The following PTGER3 variants were observed in gnomAD, a reference collection of about 807,000 sequenced individuals.
PTGER3 encodes prostaglandin E2 receptor EP3 subtype.
In PTGER3, 22 loss-of-function variants were observed where a neutral mutation model predicts 34.7. The observed-to-expected ratio is 0.63, with a 90% confidence interval of 0.45 to 0.91. The LOEUF is 0.91. Among genes scored for constraint, PTGER3 ranks in the 40% least tolerant of loss-of-function variants. The pLI is 0.00. For missense variants in PTGER3, 468 were observed against 519.4 expected, an observed-to-expected ratio of 0.90 and a Z score of 0.96; for synonymous variants, 241 against 230.1, an observed-to-expected ratio of 1.05 and a Z score of -0.43.
At chr1:70,944,872 C>A (rs1186181168) in intron 4 of PTGER3, among the ~76,000 whole-genome samples, 2 of 152,022 alleles carry the variant, frequency 1.3e-5, no homozygotes, top group Non-Finnish European at 2.9e-5. Flanking sequence ...TCCTTGTCAC[C>A]AGAGCCAATC....
chr1:71,025,312 T>C (rs1331979631), intron 1 of PTGER3, among the ~76,000 whole-genome samples: 1 of 151,934 alleles, frequency 6.6e-6, no homozygotes, highest in African/African-American at 2.4e-5. Context: ...TGACAGCCAG[T>C]AGTAACCCTG....
chr1:70,953,030 T>C, exon 4 of PTGER3: 1 of 1,607,194 alleles, frequency 6.2e-7, no homozygotes, highest in Non-Finnish European at 8.5e-7. Context: ...TTGCCCTCTG[T>C]ATCTGAGAGT....
At chr1:71,024,645 C>CTTT (rs35271200) in intron 1 of PTGER3, among the ~76,000 whole-genome samples, 82 of 117,064 alleles carry the variant, frequency 7.0e-4, no homozygotes, top group East Asian at 1.1e-3. Flanking sequence ...CCTTTTCTTT[C>CTTT]TTTTTTTTTT....
chr1:71,041,272 G>A (rs2100994253), intron 1 of PTGER3, among the ~76,000 whole-genome samples: 1 of 152,292 alleles, frequency 6.6e-6, no homozygotes, highest in Non-Finnish European at 1.5e-5. Flanking sequence ...CCTACAGGTG[G>A]GCAAAATCAT....
At chr1:70,873,682 C>T (rs1331906146) in intron 4 of PTGER3, among the ~76,000 whole-genome samples, 3 of 150,406 alleles carry the variant, frequency 2.0e-5, no homozygotes, top group African/African-American at 7.3e-5. Context: ...GAGTCTTGCC[C>T]TGTCACCCAG....
At position 71,001,389 on chromosome 1, in the gene PTGER3, T is replaced by C. The variant is rs115758109; in HGVS notation, c.1077+10916A>G. Among the ~76,000 whole-genome samples, 1,099 of 152,188 alleles carry C rather than the reference T, an allele frequency of 7.2e-3. 13 individuals carry two copies. Among genetic ancestry groups the C allele is most frequent in the Non-Finnish European group, 8.5e-3 (576 of 68,006 alleles). On this transcript the variant is annotated intron_variant, in intron 2 of 3. Transcript: ENST00000306666. ...AGGATTTAGCAGTTAGGATGAAGAG[T>C]AAAGCAAAAGGAGGCAGAAAATCTT...
intron 4 of PTGER3, among the ~76,000 whole-genome samples, chr1:70,929,600 A>T (rs910463521): frequency 6.6e-6 from 1 of 152,190 alleles, no homozygotes; most frequent in Non-Finnish European, 1.5e-5. Context: ...TATATTCATG[A>T]ACTGGAAAAC....
intron 1 of PTGER3, among the ~76,000 whole-genome samples, chr1:71,021,523 A>G (rs1302190109): frequency 6.7e-6 from 1 of 149,670 alleles, no homozygotes. Flanking sequence ...AGTTATCTTT[A>G]CTATATTTCA....
At chr1:70,954,333 G>T (rs1310797379) in intron 2 of PTGER3, among the ~76,000 whole-genome samples, 1 of 152,098 alleles carries the variant, frequency 6.6e-6, no homozygotes, top group East Asian at 1.9e-4. Flanking sequence ...CTTTATAAAA[G>T]ACTTTTATGA....
At chr1:70,890,798 A>G (rs1646600427) in intron 4 of PTGER3, among the ~76,000 whole-genome samples, 1 of 152,198 alleles carries the variant, frequency 6.6e-6, no homozygotes, top group South Asian at 2.1e-4. Flanking sequence ...ACAAAGTCCA[A>G]ACTCCTAAGG....
rs553531466 is a variant in PTGER3, at chr1:71,006,897, G to A, written c.1077+5408C>T. The A allele has an allele frequency of 1.4e-5, 14 of 985,284 alleles. No homozygotes were observed. In the African/African-American group the frequency reaches 1.9e-4, roughly 14 times the overall value. The allele number at this position is 985,284 out of a possible 1,614,324, so 61.0% of individuals were successfully genotyped here. On this transcript the variant is annotated intron_variant, in intron 2 of 3. Transcript: ENST00000306666. ...AACTTTATTTTCCATTGACAAACAC[G>A]ACATAAATAACACACATTTATTAAA...
chr1:70,952,422 G>A (rs749176486), downstream of PTGER3: 37 of 985,102 alleles, frequency 3.8e-5, no homozygotes, highest in Non-Finnish European at 3.7e-5. Flanking sequence ...GAAGTTTTTT[G>A]CCAGTCTAAT....
chr1:70,922,705 G>C (rs928641627), intron 4 of PTGER3, among the ~76,000 whole-genome samples: 2 of 152,072 alleles, frequency 1.3e-5, no homozygotes, highest in African/African-American at 4.8e-5. Context: ...CTATACACAA[G>C]GGATGTAAAG....
intron 1 of PTGER3, 133 bp downstream of exon 1, chr1:71,046,548 G>A: frequency 8.9e-7 from 1 of 1,126,702 alleles, no homozygotes; most frequent in Non-Finnish European, 1.2e-6. Flanking sequence ...AGACCGCGCG[G>A]GCAGGAGGAA....
intron 1 of PTGER3, among the ~76,000 whole-genome samples, chr1:71,034,006 C>A (rs955134435): frequency 1.1e-4 from 17 of 151,914 alleles, no homozygotes; most frequent in Non-Finnish European, 2.5e-4. Context: ...ATTAAAAAAA[C>A]CTTTAAAAAT....
At chr1:70,879,872 A>T (rs939648388) in intron 4 of PTGER3, among the ~76,000 whole-genome samples, 9 of 152,084 alleles carry the variant, frequency 5.9e-5, no homozygotes, top group Non-Finnish European at 1.3e-4. Context: ...GAGTGGGTGG[A>T]TCATGAGGTC....
chr1:70,904,425 A>C (rs1294092248), intron 4 of PTGER3, among the ~76,000 whole-genome samples: 2 of 152,214 alleles, frequency 1.3e-5, no homozygotes, highest in African/African-American at 4.8e-5. Flanking sequence ...AGAAGACAGA[A>C]AATGTGGAAT....
At chr1:71,004,997 C>A (rs1656818339) in intron 2 of PTGER3, among the ~76,000 whole-genome samples, 1 of 152,344 alleles carries the variant, frequency 6.6e-6, no homozygotes, top group East Asian at 1.9e-4. Flanking sequence ...GGCCCTGGCC[C>A]TTGCTTTTAA....
At chr1:70,929,561 C>T (rs906494160) in intron 4 of PTGER3, among the ~76,000 whole-genome samples, 4 of 152,066 alleles carry the variant, frequency 2.6e-5, no homozygotes, top group Non-Finnish European at 5.9e-5. Flanking sequence ...ATTGCTTTTA[C>T]CCTAAAACAG....
Sources: gnomAD v4.1 joint callset for allele counts (sites outside exome capture counted in the v4.1 genomes callset) on GRCh38, gnomAD v4.1.1 for gene constraint, MANE v1.5 for transcripts, NCBI Gene and HGNC (gene_info 2026-07-23, HGNC 2026-07-21) for gene names.